Variants in CRYBG1 observed in about 807,000 individuals in gnomAD.
CRYBG1 encodes crystallin beta-gamma domain containing 1, also known as beta/gamma crystallin domain-containing protein 1.
Under a neutral mutation model 189.2 loss-of-function variants are expected in CRYBG1, and 139 were observed. That is an observed-to-expected ratio of 0.73 (90% CI 0.64 to 0.85). The LOEUF is 0.85. Among genes scored for constraint, CRYBG1 ranks in the 40% least tolerant of loss-of-function variants. The pLI, the probability that CRYBG1 is intolerant of heterozygous loss-of-function variation, is 0.00. For missense variants in CRYBG1, 2,611 were observed against 2,675.8 expected, an observed-to-expected ratio of 0.98 and a Z score of 0.53; for synonymous variants, 1,023 against 1,017.1, an observed-to-expected ratio of 1.01 and a Z score of -0.11.
At chr6:106,540,729 A>G (rs900909163) in intron 9 of CRYBG1, among the ~76,000 whole-genome samples, 2 of 151,938 alleles carry the variant, frequency 1.3e-5, no homozygotes, top group African/African-American at 4.8e-5. Context: ...AGTTAAGGAA[A>G]CCAACACATT....
chr6:106,568,481 A>G lies in CRYBG1; in HGVS notation c.6311A>G (p.Gln2104Arg), dbSNP rs1774957769. The change falls in exon 22 of 22, where the codon CAG (glutamine) becomes CGG (arginine). Residue 2104 changes from glutamine (Q) to arginine (R), a missense_variant. Coordinates refer to ENST00000633556, the MANE Select transcript of CRYBG1 (RefSeq NM_001371242.2). Reference sequence around the variant, plus strand: ...TTTTCCTTTCTTTTAGGGGGCACACAGTATGATCAAAATCACATTATCCTC... The same window carrying G: ...TTTTCCTTTCTTTTAGGGGGCACACGGTATGATCAAAATCACATTATCCTC... ...NLVLDIKGGT[Q>R]YDQNHIILNT... 1.2e-6 allele frequency: 2 copies of G among 1,613,286 alleles called. No homozygotes were observed. The highest frequency in any genetic ancestry group is 1.3e-5 in the African/African-American group (1 of 75,058).
chr6:106,453,948 A>G (rs1385716201), intron 2 of CRYBG1, among the ~76,000 whole-genome samples: 2 of 152,276 alleles, frequency 1.3e-5, no homozygotes, highest in Admixed American at 1.3e-4. Flanking sequence ...TGAGAGAGCA[A>G]GGAGAGGCAG....
chr6:106,500,515 A>T (rs1772984927), intron 2 of CRYBG1, among the ~76,000 whole-genome samples: 1 of 149,858 alleles, frequency 6.7e-6, no homozygotes, highest in Non-Finnish European at 1.5e-5. Context: ...TTTAAATCAG[A>T]TTGTTTTTGC....
intron 1 of CRYBG1, among the ~76,000 whole-genome samples, chr6:106,434,099 G>C (rs1185162191): frequency 6.6e-6 from 1 of 151,830 alleles, no homozygotes; most frequent in Admixed American, 6.6e-5. Context: ...GAAGGCCTCA[G>C]TTCCTCAATG....
At chr6:106,540,066 GT>G (rs1480537242) in intron 9 of CRYBG1, among the ~76,000 whole-genome samples, 1 of 152,228 alleles carries the variant, frequency 6.6e-6, no homozygotes, top group Non-Finnish European at 1.5e-5. Context: ...ACACGAGTGG[GT>G]GGTGTCTTGG....
chr6:106,377,106 T>C (rs1277356903), intron 1 of CRYBG1, among the ~76,000 whole-genome samples: 1 of 152,228 alleles, frequency 6.6e-6, no homozygotes, highest in Admixed American at 6.5e-5. Context: ...TTGGATAGTA[T>C]TAGTTCAATT....
At chr6:106,433,915 T>G (rs1263979071) in intron 1 of CRYBG1, among the ~76,000 whole-genome samples, 1 of 151,712 alleles carries the variant, frequency 6.6e-6, no homozygotes, top group Admixed American at 6.6e-5. Context: ...ACAACAAACA[T>G]TTATTATCTC....
intron 1 of CRYBG1, among the ~76,000 whole-genome samples, chr6:106,369,473 C>T (rs984609881): frequency 1.3e-5 from 2 of 152,236 alleles, no homozygotes; most frequent in African/African-American, 4.8e-5. Context: ...ATCGACAGCT[C>T]AAATATGAGA....
At chr6:106,466,087 T>A (rs6928522) in intron 2 of CRYBG1, among the ~76,000 whole-genome samples, 82,971 of 152,074 alleles carry the variant, frequency 0.55, 22,757 homozygotes, top group Middle Eastern at 0.66. Context: ...CCTTCCTATG[T>A]TGCTAGCTGA....
intron 2 of CRYBG1, among the ~76,000 whole-genome samples, chr6:106,469,710 C>G (rs557485634): frequency 6.6e-6 from 1 of 152,228 alleles, no homozygotes; most frequent in Admixed American, 6.5e-5. Flanking sequence ...AGTCCAAAAC[C>G]TGTTTTGTTC....
At chr6:106,363,186 G>A (rs1032115401) in intron 1 of CRYBG1, among the ~76,000 whole-genome samples, 1 of 144,406 alleles carries the variant, frequency 6.9e-6, no homozygotes, top group Non-Finnish European at 1.5e-5. Flanking sequence ...GGAGCTTGCA[G>A]TGAGTCGAGA....
intron 1 of CRYBG1, among the ~76,000 whole-genome samples, chr6:106,442,816 G>T (rs188486906): frequency 6.6e-6 from 1 of 152,326 alleles, no homozygotes; most frequent in East Asian, 1.9e-4. Flanking sequence ...TCAGTGATAA[G>T]TAAGCTAAAA....
At chr6:106,428,130 T>C (rs1003015705) in intron 1 of CRYBG1, among the ~76,000 whole-genome samples, 3 of 152,230 alleles carry the variant, frequency 2.0e-5, no homozygotes, top group Admixed American at 1.3e-4. Flanking sequence ...TTATAATTAA[T>C]ATTAGCTTTC....
At chr6:106,420,456 A>C (rs1382080050) in intron 1 of CRYBG1, among the ~76,000 whole-genome samples, 1 of 152,230 alleles carries the variant, frequency 6.6e-6, no homozygotes, top group Non-Finnish European at 1.5e-5. Flanking sequence ...ACATGTGAAA[A>C]GAGGGAGTAG....
rs767285097 is a variant in CRYBG1, at chr6:106,360,879, C to T, written c.-30C>T. 2 of 1,510,470 alleles carry T rather than the reference C, an allele frequency of 1.3e-6. No individual in the cohort carries two copies. The highest frequency in any genetic ancestry group is 2.8e-5 in the African/African-American group (2 of 71,452). 93.6% of individuals were successfully genotyped at this position (1,510,470 alleles called of 1,614,324 possible). ...CCGGGCGGCAGAGAGGACCGCGTCC[C>T]GGCAGTCGGAGCGGGAGGAGGACAA... On this transcript the variant is annotated 5_prime_UTR_variant, in exon 1 of 22. Transcript: ENST00000633556.
At position 106,512,430 on chromosome 6, in the gene CRYBG1, C is replaced by T. The variant is rs1252355142; in HGVS notation, c.1313C>T (p.Pro438Leu). The change falls in exon 3 of 22, where the codon CCT becomes CTT. Residue 438 changes from proline (P) to leucine (L), a missense_variant. By Grantham distance (98) the Pro-to-Leu change is moderately conservative. Coordinates refer to ENST00000633556, the MANE Select transcript of CRYBG1 (RefSeq NM_001371242.2). Reference protein sequence around the residue: ...TDSPGADAELPESAARDDAVF... With the variant: ...TDSPGADAELLESAARDDAVF... ...TCCCCCGGCGCGGACGCCGAGCTCC[C>T]TGAGAGCGCTGCCAGGGACGACGCG... 1 of 1,609,822 alleles carries T rather than the reference C, an allele frequency of 6.2e-7. No individual in the cohort carries two copies. The highest frequency in any genetic ancestry group is 1.1e-5 in the South Asian group (1 of 90,470).
chr6:106,400,797 A>G (rs1770707040), intron 1 of CRYBG1, among the ~76,000 whole-genome samples: 1 of 152,188 alleles, frequency 6.6e-6, no homozygotes, highest in Non-Finnish European at 1.5e-5. Context: ...GGGGACAGAG[A>G]GGAGGGTGAT....
At chr6:106,427,009 C>T (rs1027582489) in intron 1 of CRYBG1, among the ~76,000 whole-genome samples, 10 of 152,102 alleles carry the variant, frequency 6.6e-5, no homozygotes, top group Non-Finnish European at 1.2e-4. Context: ...GACACTAGGC[C>T]CTTCTCACTT....
Position 106,539,477 on chromosome 6 carries a change from C to G in CRYBG1, c.4793C>G (p.Ser1598Cys), listed in dbSNP as rs1391972003. The G allele has an allele frequency of 5.2e-5, 84 of 1,613,604 alleles. No individual in the cohort carries two copies. The Admixed American group carries it at 1.4e-3, about 27-fold the overall frequency. The stretch of plus-strand genomic sequence containing the variant: ...GAACCTGGTGAATACCCTGACTTGT[C>G]CTTCTGGGATACAGAAGAAGCGTAC... The part of the protein sequence containing the change: ...ILEPGEYPDL[S>C]FWDTEEAYIG... Residue 1598 changes from serine (S) to cysteine (C), a missense_variant, in exon 9 of 22, where the codon TCC (serine) becomes TGC (cysteine). By Grantham distance (112) the Ser-to-Cys change is moderately radical. Transcript: ENST00000633556.
Sources: gnomAD v4.1 joint callset for allele counts (sites outside exome capture counted in the v4.1 genomes callset) on GRCh38, gnomAD v4.1.1 for gene constraint, MANE v1.5 for transcripts, NCBI Gene and HGNC (gene_info 2026-07-23, HGNC 2026-07-21) for gene names.